Variants in MYO3A observed in about 807,000 individuals in gnomAD.
MYO3A encodes the protein myosin IIIA.
Under a neutral mutation model 192.7 loss-of-function variants are expected in MYO3A, and 180 were observed. The ratio of observed to expected loss-of-function variants is 0.93; its 90% CI spans 0.83 to 1.06. The LOEUF is 1.06. Ranked by LOEUF, MYO3A falls within the 50% of genes least tolerant of loss-of-function variation. The probability of loss-of-function intolerance (pLI) is 0.00; values close to 1 mark genes in which losing one functional copy is unlikely to be tolerated. For synonymous variants in MYO3A, 628 were observed against 645.3 expected (o/e 0.97, Z 0.41); for missense variants, 1,896 against 1,905.0 (o/e 1.00, Z 0.09).
intron 10 of MYO3A, among the ~76,000 whole-genome samples, chr10:26,060,115 C>T (rs71492528): frequency 0.47 from 69,926 of 149,896 alleles, 17,809 homozygotes; most frequent in Middle Eastern, 0.58. Context: ...AAAAATTAGC[C>T]GAGTATGGTG....
intron 17 of MYO3A, among the ~76,000 whole-genome samples, chr10:26,101,936 G>A (rs1837481399): frequency 6.6e-6 from 1 of 152,140 alleles, no homozygotes; most frequent in Non-Finnish European, 1.5e-5. Context: ...GAATTTGAAT[G>A]TTGTCCTGCC....
In MYO3A at chr10:26,180,408, TTAAC is replaced by T. The variant is rs377268092; in HGVS notation, c.4438+3566_4438+3569del. On this transcript the variant is annotated intron_variant, in intron 31 of 34. Transcript: ENST00000642920. ...CTTAATTCAATCATCTACCTCATAA[TTAAC>T]TATAAAACACTGGAAGCAGTTGCAT... Among the ~76,000 whole-genome samples the T allele has an allele frequency of 7.6e-4, 115 of 152,268 alleles. 2 individuals are homozygous for T. In the East Asian group the frequency reaches 0.017, roughly 23 times the overall value.
intron 7 of MYO3A, among the ~76,000 whole-genome samples, chr10:26,019,576 A>G (rs1842191864): frequency 6.6e-6 from 1 of 152,224 alleles, no homozygotes; most frequent in Non-Finnish European, 1.5e-5. Context: ...TTGGCCTCCC[A>G]AAGTGCTGGG....
intron 32 of MYO3A, 78 bp downstream of exon 32, chr10:26,193,389 G>T (rs1843249013): frequency 1.7e-6 from 2 of 1,200,968 alleles, no homozygotes; most frequent in Non-Finnish European, 2.4e-6. Context: ...GGCTAGATTA[G>T]TTCAGGCACA....
chr10:26,152,000 T>C (rs1272655666), intron 23 of MYO3A, among the ~76,000 whole-genome samples: 4 of 152,242 alleles, frequency 2.6e-5, no homozygotes, highest in African/African-American at 9.6e-5. Flanking sequence ...ATTTTGACTT[T>C]AACAATTGCC....
intron 4 of MYO3A, among the ~76,000 whole-genome samples, chr10:25,977,020 CT>C (rs752936328): frequency 6.6e-5 from 10 of 152,070 alleles, no homozygotes; most frequent in Non-Finnish European, 1.3e-4. Flanking sequence ...TATCTTGTTA[CT>C]TTTCTTTATG....
chr10:26,205,608 CTTTTTTTTTTTTTT>C (rs576007724), intron 34 of MYO3A, among the ~76,000 whole-genome samples: 70 of 68,622 alleles, frequency 1.0e-3, no homozygotes, highest in Admixed American at 2.6e-3. Context: ...CTTTTCTTTT[CTTTTTTTTTTTTTT>C]TTTTTTTTTT....
Position 26,154,822 on chromosome 10 carries a change from G to C in MYO3A, c.2792G>C (p.Arg931Thr). The change falls in exon 25 of 35, where the codon AGA becomes ACA. Residue 931 changes from arginine to threonine, a missense_variant and splice_region_variant. Coordinates refer to ENST00000642920, the MANE Select transcript of MYO3A (RefSeq NM_017433.5). ...ACACAAACGGTTGCATCATATTTTA[G>C]AGTAAGATATTAAACTATGATGTAT... Reference protein sequence around the residue: ...MKTQTVASYFRYSLMDLLSKM... With the variant: ...MKTQTVASYFTYSLMDLLSKM... 6.2e-7 allele frequency: 1 copy of C among 1,609,866 alleles called. No individual in the cohort carries two copies. The highest frequency in any genetic ancestry group is 8.5e-7 in the Non-Finnish European group (1 of 1,177,020).
At chr10:26,067,108 C>G (rs3824696) in intron 11 of MYO3A, 34 bp downstream of exon 11, 1 of 1,358,402 alleles carries the variant, frequency 7.4e-7, no homozygotes, top group Non-Finnish European at 1.1e-6. Context: ...CTTAGACATT[C>G]CAGATGTTTT....
At chr10:26,041,415 T>C (rs990560556) in intron 10 of MYO3A, among the ~76,000 whole-genome samples, 1 of 152,114 alleles carries the variant, frequency 6.6e-6, no homozygotes, top group East Asian at 1.9e-4. Context: ...TTAGTCCACT[T>C]ACTTTCAATA....
chr10:26,077,315 A>G (rs1835655775), intron 14 of MYO3A, among the ~76,000 whole-genome samples: 1 of 127,206 alleles, frequency 7.9e-6, no homozygotes, highest in Admixed American at 9.7e-5. Context: ...TGTTGTTGGT[A>G]TATAGAAGAA....
At chr10:26,189,190 A>G (rs182693288) in intron 31 of MYO3A, among the ~76,000 whole-genome samples, 1 of 152,330 alleles carries the variant, frequency 6.6e-6, no homozygotes, top group Admixed American at 6.5e-5. Flanking sequence ...TATGGATTCA[A>G]TGTGTGTGTC....
intron 2 of MYO3A, among the ~76,000 whole-genome samples, chr10:25,948,114 G>T (rs1454681086): frequency 1.3e-5 from 2 of 152,046 alleles, no homozygotes; most frequent in Non-Finnish European, 2.9e-5. Context: ...GGAAGTGAGG[G>T]TGTGAACCAT....
intron 6 of MYO3A, among the ~76,000 whole-genome samples, chr10:26,006,816 G>C (rs1373558171): frequency 7.1e-6 from 1 of 139,892 alleles, no homozygotes; most frequent in Non-Finnish European, 1.6e-5. Flanking sequence ...GGAGGAACTG[G>C]TACCATTCCT....
chr10:26,148,314 A>G (rs1287496575), intron 23 of MYO3A, among the ~76,000 whole-genome samples: 1 of 152,154 alleles, frequency 6.6e-6, no homozygotes, highest in East Asian at 1.9e-4. Context: ...TCAATTGACT[A>G]ATAAATAGGT....
chr10:26,172,111 A>C (rs1470964393), intron 29 of MYO3A, among the ~76,000 whole-genome samples: 2 of 152,230 alleles, frequency 1.3e-5, no homozygotes, highest in African/African-American at 4.8e-5. Context: ...CAGAAAGTCA[A>C]GGGAAGCTTG....
chr10:26,165,565 A>G (rs570836811), intron 26 of MYO3A, among the ~76,000 whole-genome samples: 3 of 152,206 alleles, frequency 2.0e-5, no homozygotes, highest in South Asian at 4.2e-4. Context: ...AGCAGGAGAC[A>G]TAGTGTCCCT....
chr10:26,136,769 G>A (rs758855424), intron 20 of MYO3A, among the ~76,000 whole-genome samples: 1 of 152,216 alleles, frequency 6.6e-6, no homozygotes, highest in Admixed American at 6.5e-5. Flanking sequence ...TGTAATGCCA[G>A]CACTTTGGGA....
At chr10:26,002,136 T>C (rs1840867440) in intron 6 of MYO3A, among the ~76,000 whole-genome samples, 2 of 152,192 alleles carry the variant, frequency 1.3e-5, no homozygotes, top group South Asian at 4.1e-4. Flanking sequence ...GCCATAATAG[T>C]TATAGTAAAA....
Sources: gnomAD v4.1 joint callset for allele counts (sites outside exome capture counted in the v4.1 genomes callset) on GRCh38, gnomAD v4.1.1 for gene constraint, MANE v1.5 for transcripts, NCBI Gene and HGNC (gene_info 2026-07-23, HGNC 2026-07-21) for gene names.